Variants in ZEB2 observed in about 807,000 individuals in gnomAD.
ZEB2 encodes zinc finger E-box-binding homeobox 2.
In ZEB2, 6 loss-of-function variants were observed where a neutral mutation model predicts 99.9. The observed-to-expected ratio is 0.06, with a 90% CI of 0.03 to 0.12. The LOEUF (loss-of-function observed/expected upper bound fraction) is 0.12. Ranked by LOEUF, ZEB2 falls within the 10% of genes least tolerant of loss-of-function variation. The pLI is 1.00. For synonymous variants in ZEB2, 517 were observed against 542.5 expected (o/e 0.95, Z 0.65); for missense variants, 969 against 1,502.8 (o/e 0.64, Z 5.87).
intron 2 of ZEB2, among the ~76,000 whole-genome samples, chr2:144,478,106 C>A (rs1704456040): frequency 6.6e-6 from 1 of 152,096 alleles, no homozygotes; most frequent in African/African-American, 2.4e-5. Flanking sequence ...CTCACTCATG[C>A]ACAAGAAGCA....
intron 2 of ZEB2, among the ~76,000 whole-genome samples, chr2:144,445,709 A>AT (rs762637688): frequency 8.1e-4 from 123 of 152,132 alleles, no homozygotes; most frequent in Non-Finnish European, 1.5e-3. Flanking sequence ...TGCACCCCTC[A>AT]TTTTTTGGGG....
At chr2:144,412,410 T>C (rs552500288) in intron 4 of ZEB2, among the ~76,000 whole-genome samples, 1 of 152,356 alleles carries the variant, frequency 6.6e-6, no homozygotes, top group African/African-American at 2.4e-5. Context: ...TGAAGTAAGG[T>C]GATTTTGCCC....
chr2:144,475,402 T>C (rs1434831097), intron 2 of ZEB2, among the ~76,000 whole-genome samples: 1 of 152,182 alleles, frequency 6.6e-6, no homozygotes, highest in Non-Finnish European at 1.5e-5. Context: ...ACTAAAAAAG[T>C]AATTCCTTAG....
chr2:144,420,141 C>T (rs6748886), intron 4 of ZEB2, among the ~76,000 whole-genome samples: 30,610 of 152,112 alleles, frequency 0.2, 3,652 homozygotes, highest in African/African-American at 0.32. Context: ...ATGTGTGCTC[C>T]CTGCTATAAC....
chr2:144,463,087 A>G (rs1704217371), intron 2 of ZEB2: 1 of 152,176 alleles, frequency 6.6e-6, no homozygotes, highest in African/African-American at 2.4e-5. Flanking sequence ...TGCCACGGTA[A>G]ACAATTTGTG....
At chr2:144,511,671 A>G (rs535506819) in intron 2 of ZEB2, 2 of 1,287,150 alleles carry the variant, frequency 1.6e-6, no homozygotes, top group East Asian at 1.1e-4. Context: ...AAACAGAGCT[A>G]TGTAAATATA....
In ZEB2 at chr2:144,442,342, T is replaced by C. The variant is rs893389208; in HGVS notation, c.74-12316A>G. ...TATCAAAATATTCAGTTAAATTATT[T>C]AAAAAATTTAGTTTCATATCATCAG... On this transcript the variant is annotated intron_variant, in intron 2 of 9. Coordinates refer to ENST00000627532, the MANE Select transcript of ZEB2 (RefSeq NM_014795.4). Among the ~76,000 whole-genome samples, 3 of 152,154 alleles carry C rather than the reference T, an allele frequency of 2.0e-5. No individual in the cohort carries two copies. The South Asian group carries it at 6.2e-4, about 31-fold the overall frequency.
Position 144,398,325 on chromosome 2 carries a change from C to A in ZEB2, c.2862G>T (p.Lys954Asn). The A allele has an allele frequency of 6.2e-7, 1 of 1,613,836 alleles. No individual in the cohort carries two copies. Among genetic ancestry groups the A allele is most frequent in the South Asian group, 1.1e-5 (1 of 90,986 alleles). ...CCTGAAATCCTTGTTTCCGCTGGTA[C>A]TTTCTCCTTTGCTGCATATCAGCAA... is the stretch of plus-strand genomic sequence containing the variant. Reference protein sequence around the residue: ...ATFADMQQRRKYQRKQGFQGE... With the variant: ...ATFADMQQRRNYQRKQGFQGE... The change falls in exon 8 of 10, where the codon AAG becomes AAT. Residue 954 changes from lysine (K) to asparagine (N), a missense_variant. Physicochemically the swap from Lys to Asn is moderately conservative, Grantham distance 94. This residue lies in a region of ZEB2 where 346 missense variants were observed against 460.0 expected (regional missense o/e 0.75). Coordinates refer to ENST00000627532, the MANE Select transcript of ZEB2 (RefSeq NM_014795.4).
At chr2:144,411,141 C>CAT (rs1560612513) in intron 4 of ZEB2, among the ~76,000 whole-genome samples, 1 of 140,556 alleles carries the variant, frequency 7.1e-6, no homozygotes, top group East Asian at 2.0e-4. Flanking sequence ...CACACACACA[C>CAT]ACACACACGC....
At chr2:144,512,803 G>C in intron 2 of ZEB2, 2 of 1,287,118 alleles carry the variant, frequency 1.6e-6, no homozygotes, top group South Asian at 2.5e-5. Flanking sequence ...TTGTGTGTGT[G>C]CAGCGTGACA....
chr2:144,514,448 T>G (rs534951587), intron 2 of ZEB2: 26 of 152,384 alleles, frequency 1.7e-4, no homozygotes, highest in African/African-American at 5.8e-4. Context: ...TCTATATGAT[T>G]TTGATAAGCA....
intron 2 of ZEB2, among the ~76,000 whole-genome samples, chr2:144,493,648 G>A (rs541845217): frequency 6.6e-6 from 1 of 152,298 alleles, no homozygotes; most frequent in South Asian, 2.1e-4. Flanking sequence ...ACATGAAACA[G>A]TGAAGCAGCT....
chr2:144,428,008 T>C (rs1046314233), intron 3 of ZEB2: 1 of 152,218 alleles, frequency 6.6e-6, no homozygotes, highest in Non-Finnish European at 1.5e-5. Flanking sequence ...TTGACATTGC[T>C]GTTTGGCTGT....
At chr2:144,430,050 C>G (rs1257787011) in intron 2 of ZEB2, 24 bp from the exon 3 acceptor site, 6 of 1,610,294 alleles carry the variant, frequency 3.7e-6, no homozygotes, top group Non-Finnish European at 3.4e-6. Context: ...ACAAAACACA[C>G]TCTCTAAACA....
At chr2:144,517,497 G>T (rs1407853317) in intron 1 of ZEB2, 78 bp from the exon 2 acceptor site, 2 of 971,986 alleles carry the variant, frequency 2.1e-6, no homozygotes, top group Non-Finnish European at 3.2e-6. Context: ...GGGGAGCCGG[G>T]CCAGGGCCCC....
rs745809603 is a variant in ZEB2 at position 144,404,133 on chromosome 2, G to A, written c.593-3C>T. ...ATCTGGAGTTCCAGGTGGCAGGTCT[G>A]TAGCCGAGAGACAGAGAGAGAGAGA... On this transcript the variant is annotated splice_region_variant and splice_polypyrimidine_tract_variant and intron_variant, in intron 5 of 9. Transcript: ENST00000627532. The A allele has an allele frequency of 1.2e-6, 2 of 1,613,948 alleles. No individual in the cohort carries two copies. Among genetic ancestry groups the A allele is most frequent in the South Asian group, 1.1e-5 (1 of 91,068 alleles).
chr2:144,428,624 T>A (rs1206410150), intron 3 of ZEB2: 1 of 152,172 alleles, frequency 6.6e-6, no homozygotes, highest in East Asian at 1.9e-4. Flanking sequence ...GAAAAACAAA[T>A]ACACTGTACT....
At chr2:144,471,113 T>A (rs1704348831) in intron 2 of ZEB2, among the ~76,000 whole-genome samples, 1 of 152,166 alleles carries the variant, frequency 6.6e-6, no homozygotes, top group East Asian at 1.9e-4. Flanking sequence ...TATGCCTGCA[T>A]AACAGCGGTA....
chr2:144,454,046 G>A (rs777512393), intron 2 of ZEB2, among the ~76,000 whole-genome samples: 17 of 152,044 alleles, frequency 1.1e-4, no homozygotes, highest in Non-Finnish European at 1.9e-4. Flanking sequence ...TTTACTCTTC[G>A]TCAATTACCA....
Sources: gnomAD v4.1 joint callset for allele counts (sites outside exome capture counted in the v4.1 genomes callset) on GRCh38, gnomAD v4.1.1 for gene constraint, gnomAD v4.1.1 regional missense constraint, MANE v1.5 for transcripts, NCBI Gene and HGNC (gene_info 2026-07-23, HGNC 2026-07-21) for gene names.